TPM1: variants seen among roughly 807,000 people sequenced by gnomAD.
The protein encoded by TPM1 is tropomyosin 1.
TPM1 carries 24 observed loss-of-function variants against 42.9 expected under a neutral mutation model. That is an observed-to-expected ratio of 0.56 (90% CI 0.41 to 0.79). The LOEUF (loss-of-function observed/expected upper bound fraction) is 0.79, where lower values mean the gene tolerates loss of function less well. TPM1 is among the 30% of genes least tolerant of loss of function. TPM1 has a pLI of 0.00. For missense variants in TPM1, 158 were observed against 351.8 expected (o/e 0.45, Z 4.41); for synonymous variants, 136 against 130.1 (o/e 1.05, Z -0.31).
rs781535136 is a variant in TPM1, at chr15:63,048,758, G to A, written c.240+4606G>A. 7 of 1,519,162 alleles carry A rather than the reference G, an allele frequency of 4.6e-6. No individual in the cohort carries two copies. The South Asian group carries it at 8.7e-5, about 19-fold the overall frequency. The allele number at this position is 1,519,162 out of a possible 1,614,324, so 94.1% of individuals were successfully genotyped here. A position where few individuals can be genotyped will look rare whatever the true frequency, so the allele number is the denominator to read the frequency against. On this transcript the variant is annotated intron_variant, in intron 2 of 9. Coordinates refer to ENST00000403994, the MANE Select transcript of TPM1 (RefSeq NM_001018005.2). ...AGCCCCCAGAGGCGCATCCTCCCGG[G>A]GCAGCCCCGCAGGGCCCTCCTGCTT...
intron 2 of TPM1, chr15:63,048,360 C>G: frequency 8.6e-6 from 11 of 1,281,102 alleles, no homozygotes; most frequent in Non-Finnish European, 8.0e-6. Context: ...GCGCGCCCCT[C>G]CCAGCCGCGC....
At chr15:63,051,062 T>G (rs1596332415) in intron 2 of TPM1, among the ~76,000 whole-genome samples, 2 of 152,370 alleles carry the variant, frequency 1.3e-5, no homozygotes, top group Non-Finnish European at 2.9e-5. Flanking sequence ...GAGGCTACTT[T>G]GCTTGACATG....
chr15:63,060,239 T>C (rs781390841), intron 4 of TPM1, among the ~76,000 whole-genome samples: 1 of 152,252 alleles, frequency 6.6e-6, no homozygotes, highest in Non-Finnish European at 1.5e-5. Context: ...TTTTTCCTTA[T>C]TGGATCACAT....
downstream of TPM1, among the ~76,000 whole-genome samples, chr15:63,069,418 G>A (rs1279503081): frequency 6.6e-6 from 1 of 152,150 alleles, no homozygotes; most frequent in African/African-American, 2.4e-5. Flanking sequence ...TTCTGGAAGA[G>A]GTGGGCAGCA....
At chr15:63,063,354 A>G (rs1443556478) in intron 8 of TPM1, 4 of 985,342 alleles carry the variant, frequency 4.1e-6, no homozygotes, top group Non-Finnish European at 4.8e-6. Flanking sequence ...AGAATGACAA[A>G]TGGTTGCAAA....
downstream of TPM1, chr15:63,071,105 C>T: frequency 6.2e-7 from 1 of 1,614,054 alleles, no homozygotes; most frequent in Non-Finnish European, 8.5e-7. Flanking sequence ...GTGGCTCATG[C>T]CAAAGAAGAA....
intron 6 of TPM1, 137 bp downstream of exon 6, chr15:63,061,925 A>G (rs1031883317): frequency 6.3e-6 from 5 of 794,336 alleles, no homozygotes; most frequent in Admixed American, 2.4e-5. Context: ...GAGTTACTAG[A>G]TAACAAATTC....
At chr15:63,061,407 G>A (rs2035603031) in intron 5 of TPM1, 1 of 892,270 alleles carries the variant, frequency 1.1e-6, no homozygotes, top group Non-Finnish European at 1.8e-6. Context: ...TGCCTTAAGT[G>A]CTTTCCCTTG....
intron 2 of TPM1, chr15:63,048,785 C>T: frequency 1.3e-6 from 2 of 1,496,840 alleles, no homozygotes; most frequent in Middle Eastern, 1.7e-4. Context: ...CTCCTGCTTC[C>T]CCCCCCGCAG....
intron 2 of TPM1, chr15:63,047,024 C>A (rs1473302611): frequency 1.3e-5 from 2 of 152,296 alleles, no homozygotes; most frequent in African/African-American, 4.8e-5. Context: ...ATGGCACTTG[C>A]CAGTGTCCAG....
intron 9 of TPM1, chr15:63,064,737 G>C (rs928548297): frequency 3.4e-6 from 3 of 883,894 alleles, no homozygotes; most frequent in Admixed American, 6.1e-5. Flanking sequence ...AGGCCGAGGC[G>C]GGCGGATCAC....
At chr15:63,047,744 GTTTT>G (rs1366428995) in intron 2 of TPM1, 2 of 152,524 alleles carry the variant, frequency 1.3e-5, no homozygotes, top group African/African-American at 4.8e-5. Flanking sequence ...TATCATTTGA[GTTTT>G]TAACTATGTA....
chr15:63,042,894 C>G lies in TPM1; in HGVS notation c.65C>G (p.Ala22Gly), dbSNP rs2031431973. The G allele has an allele frequency of 2.5e-6, 4 of 1,612,674 alleles. No individual in the cohort carries two copies. Among genetic ancestry groups the G allele is most frequent in the South Asian group, 1.1e-5 (1 of 90,932 alleles). The part of the protein sequence containing the change: ...KLDKENALDR[A>G]EQAEADKKAA... ...GACAAGGAGAACGCCTTGGATCGAG[C>G]TGAGCAGGCGGAGGCCGACAAGAAG... Residue 22 changes from alanine to glycine, a missense_variant, in exon 1 of 10, where the codon GCT (alanine) becomes GGT (glycine). By Grantham distance (60) the Ala-to-Gly change is moderately conservative. Coordinates refer to ENST00000403994, the MANE Select transcript of TPM1 (RefSeq NM_001018005.2).
intron 3 of TPM1, among the ~76,000 whole-genome samples, chr15:63,058,729 T>C (rs2035167871): frequency 2.0e-5 from 3 of 152,120 alleles, no homozygotes; most frequent in Admixed American, 6.5e-5. Context: ...AATAAAAAAA[T>C]AGTGGTTCAC....
chr15:63,060,392 C>CA (rs1384086932), intron 4 of TPM1, among the ~76,000 whole-genome samples: 11 of 152,158 alleles, frequency 7.2e-5, no homozygotes, highest in African/African-American at 2.7e-4. Flanking sequence ...TTGATTTTGT[C>CA]AGTTATCTCA....
chr15:63,058,131 T>G (rs2035077597), intron 3 of TPM1, among the ~76,000 whole-genome samples: 1 of 152,202 alleles, frequency 6.6e-6, no homozygotes, highest in Non-Finnish European at 1.5e-5. Context: ...AACCAAGCAT[T>G]TTGGACTTCT....
At chr15:63,057,239 C>T in intron 3 of TPM1, 121 bp downstream of exon 3, 1 of 1,340,796 alleles carries the variant, frequency 7.5e-7, no homozygotes, top group Non-Finnish European at 1.0e-6. Flanking sequence ...ATCATTTCCT[C>T]TATTGATCCC....
intron 8 of TPM1, chr15:63,062,991 T>G: frequency 7.3e-7 from 1 of 1,377,848 alleles, no homozygotes; most frequent in African/African-American, 1.5e-5. Flanking sequence ...CTAATTAAAT[T>G]GGGAATGATG....
At chr15:63,043,829 A>G in intron 1 of TPM1, 198 bp from the exon 2 acceptor site, 1 of 1,548,710 alleles carries the variant, frequency 6.5e-7, no homozygotes, top group African/African-American at 1.4e-5. Flanking sequence ...GGCCGCCGCC[A>G]AGGTACCCGG....
Sources: allele counts gnomAD v4.1 joint callset (sites outside exome capture counted in the v4.1 genomes callset), GRCh38; gene constraint gnomAD v4.1.1; transcripts MANE v1.5; gene names NCBI Gene and HGNC (gene_info 2026-07-23, HGNC 2026-07-21).